The following LRTM2 variants were observed in gnomAD, a reference collection of about 807,000 sequenced individuals.
LRTM2 encodes leucine-rich repeat and transmembrane domain-containing protein 2.
Under a neutral mutation model 28.1 loss-of-function variants are expected in LRTM2, and 18 were observed. The ratio of observed to expected loss-of-function variants is 0.64; its 90% CI spans 0.44 to 0.95. The LOEUF is 0.95. Among genes scored for constraint, LRTM2 ranks in the 40% least tolerant of loss-of-function variants. The pLI, the probability that LRTM2 is intolerant of heterozygous loss-of-function variation, is 0.00. For synonymous variants in LRTM2, 250 were observed against 218.7 expected (o/e 1.14, Z -1.26); for missense variants, 436 against 497.2 (o/e 0.88, Z 1.17).
Position 1,833,389 on chromosome 12 carries a change from G to C in LRTM2, c.659-878G>C, listed in dbSNP as rs1192772260. ...CTAGGGGAGGTCTAGACAGATTATT[G>C]TCCTCAACCACCTTCTCTCTCACCC... On this transcript the variant is annotated intron_variant, in intron 4 of 4. Transcript: ENST00000299194. The surrounding 1 kb of genome is among the most constrained non-coding windows in gnomAD (Gnocchi z 4.2). Among the ~76,000 whole-genome samples the C allele has an allele frequency of 6.6e-6, 1 of 152,110 alleles. No homozygotes were observed.
intron 2 of LRTM2, chr12:1,827,824 A>C: frequency 3.0e-6 from 1 of 328,446 alleles, no homozygotes. Context: ...GGGTAGGCCC[A>C]TGGGTGCACC....
chr12:1,833,062 G>A lies in LRTM2; in HGVS notation c.659-1205G>A, dbSNP rs1036167153. Among the ~76,000 whole-genome samples the A allele has an allele frequency of 3.3e-5, 5 of 152,132 alleles. No homozygotes were observed. Among genetic ancestry groups the A allele is most frequent in the Admixed American group, 1.3e-4 (2 of 15,282 alleles). ...CTTCAGACCCTCCTCTCCTGTGGTC[G>A]CCGGGAACTGAATTCCCAGCACAAA... On this transcript the variant is annotated intron_variant, in intron 4 of 4. Coordinates refer to ENST00000299194, the MANE Select transcript of LRTM2 (RefSeq NM_001039029.3). This position sits in a 1 kb window ranked among gnomAD's most constrained non-coding sequence, Gnocchi z 4.2.
rs754181370 is a variant in LRTM2 at position 1,834,463 on chromosome 12, G to A, written c.855G>A (p.Pro285=). ...EPAKPKPGAE[P]EPEPSTACPQ... is the part of the protein sequence containing the mutation. Reference sequence around the variant, plus strand: ...CTAAGCCCAAGCCCGGGGCTGAGCCGGAGCCGGAGCCCAGCACAGCCTGCC... The same window carrying A: ...CTAAGCCCAAGCCCGGGGCTGAGCCAGAGCCGGAGCCCAGCACAGCCTGCC... Residue 285 remains proline, a synonymous_variant, in exon 5 of 5, where the codon CCG becomes CCA. Transcript: ENST00000299194. The surrounding 1 kb of genome is among the most constrained non-coding windows in gnomAD (Gnocchi z 7.6). 31 of 1,610,726 alleles carry A rather than the reference G, an allele frequency of 1.9e-5. No homozygotes were observed. Among genetic ancestry groups the A allele is most frequent in the Middle Eastern group, 1.6e-4 (1 of 6,080 alleles).
rs766783345 is a variant in LRTM2 at position 1,828,254 on chromosome 12, G to T, written c.67+39G>T. On this transcript the variant is annotated intron_variant, in intron 3 of 4. Coordinates refer to ENST00000299194, the MANE Select transcript of LRTM2 (RefSeq NM_001039029.3). The surrounding 1 kb of genome is among the most constrained non-coding windows in gnomAD (Gnocchi z 4.2). The stretch of plus-strand genomic sequence containing the variant: ...TGGCCTCGGAGGGGGGTGCGGGTTG[G>T]GTGGGGGTGCCGAGGTGACTGTAGG... The T allele has an allele frequency of 4.4e-5, 66 of 1,511,380 alleles. No homozygotes were observed. Among genetic ancestry groups the T allele is most frequent in the Non-Finnish European group, 5.5e-5 (62 of 1,123,860 alleles). 93.6% of individuals were successfully genotyped at this position (1,511,380 alleles called of 1,614,324 possible). A position where few individuals can be genotyped will look rare whatever the true frequency, so the allele number is the denominator to read the frequency against.
rs933305356 is a variant in LRTM2, at chr12:1,828,352, G to A, written c.67+137G>A. On this transcript the variant is annotated intron_variant, in intron 3 of 4. Coordinates refer to ENST00000299194, the MANE Select transcript of LRTM2 (RefSeq NM_001039029.3). This position sits in a 1 kb window ranked among gnomAD's most constrained non-coding sequence, Gnocchi z 4.2. ...CGCCAGATCTTCCTGGGGTACCCGAGGCTATGTTCTGGGAAGCCAGGGTCA... is the reference window on the plus strand; with the variant it reads ...CGCCAGATCTTCCTGGGGTACCCGAAGCTATGTTCTGGGAAGCCAGGGTCA... 1.4e-6 allele frequency: 1 copy of A among 732,438 alleles called. No individual in the cohort carries two copies. Among genetic ancestry groups the A allele is most frequent in the Non-Finnish European group, 2.1e-6 (1 of 478,754 alleles). The allele number at this position is 732,438 out of a possible 1,614,324, so 45.4% of individuals were successfully genotyped here.
chr12:1,826,238 G>C (rs1369212110), intron 1 of LRTM2, among the ~76,000 whole-genome samples: 3 of 152,294 alleles, frequency 2.0e-5, no homozygotes, highest in Non-Finnish European at 4.4e-5. Context: ...TTTCCATGGT[G>C]ATGGGCACTG....
Position 1,830,978 on chromosome 12 carries a change from C to T in LRTM2, c.111C>T (p.Pro37=), listed in dbSNP as rs1864598042. 2 of 1,613,598 alleles carry T rather than the reference C, an allele frequency of 1.2e-6. No individual in the cohort carries two copies. The highest frequency in any genetic ancestry group is 1.1e-5 in the South Asian group (1 of 90,992). Residue 37 remains proline, a synonymous_variant, in exon 4 of 5, where the codon CCC becomes CCT. Transcript: ENST00000299194. The part of the protein sequence containing the change: ...WIALYAVEAL[P]TCPFSCKCDS... ...CCCTGTATGCTGTGGAGGCCCTCCC[C>T]ACCTGCCCTTTCTCCTGCAAGTGTG...
chr12:1,826,912 C>T (rs970939068), intron 1 of LRTM2, among the ~76,000 whole-genome samples: 1 of 152,232 alleles, frequency 6.6e-6, no homozygotes, highest in Non-Finnish European at 1.5e-5. Context: ...CTCCATCCAC[C>T]TCTGGGCCTG....
rs1032396252 is a variant in LRTM2 at position 1,829,744 on chromosome 12, C to T, written c.68-1191C>T. Among the ~76,000 whole-genome samples, 18 of 146,308 alleles carry T rather than the reference C, an allele frequency of 1.2e-4. No individual in the cohort carries two copies. The highest frequency in any genetic ancestry group is 9.5e-4 in the Admixed American group (14 of 14,698). ...TCCCAGGTCCCATGTCAGGGTGGGC[C>T]GATGGGCTGTGAGCTGGGTCTGAAC... On this transcript the variant is annotated intron_variant, in intron 3 of 4. Coordinates refer to ENST00000299194, the MANE Select transcript of LRTM2 (RefSeq NM_001039029.3). The surrounding 1 kb of genome is among the most constrained non-coding windows in gnomAD (Gnocchi z 4.2).
At position 1,821,476 on chromosome 12, in the gene LRTM2, C is replaced by T. The variant is rs191978682; in HGVS notation, c.-259+662C>T. 9.9e-3 allele frequency among the ~76,000 whole-genome samples: 1,503 copies of T among 152,294 alleles called. 28 individuals are homozygous for T. The highest frequency in any genetic ancestry group is 0.034 in the African/African-American group (1,423 of 41,556). On this transcript the variant is annotated intron_variant, in intron 1 of 4. Transcript: ENST00000299194. Reference sequence around the variant, plus strand: ...GGGAGTGGGCAGGAGAGAGAAGTATCGCAGCCCTTCCCTGCTAGCCCAAGG... The same window carrying T: ...GGGAGTGGGCAGGAGAGAGAAGTATTGCAGCCCTTCCCTGCTAGCCCAAGG...
At position 1,834,518 on chromosome 12, in the gene LRTM2, G is replaced by C. The variant is rs774813692; in HGVS notation, c.910G>C (p.Val304Leu). The part of the protein sequence containing the change: ...PQKQRHRPAS[V>L]RRAMGTVIIA... ...GAAGCAGAGGCACCGGCCGGCGAGC[G>C]TGAGGCGAGCCATGGGCACGGTGAT... Residue 304 changes from valine (V) to leucine (L), a missense_variant, in exon 5 of 5, where the codon GTG becomes CTG. Coordinates refer to ENST00000299194, the MANE Select transcript of LRTM2 (RefSeq NM_001039029.3). The surrounding 1 kb of genome is among the most constrained non-coding windows in gnomAD (Gnocchi z 7.6). 2 of 1,605,976 alleles carry C rather than the reference G, an allele frequency of 1.2e-6. No individual in the cohort carries two copies. Among genetic ancestry groups the C allele is most frequent in the African/African-American group, 1.3e-5 (1 of 74,928 alleles).
chr12:1,822,460 G>A (rs970768096), intron 1 of LRTM2, among the ~76,000 whole-genome samples: 2 of 150,542 alleles, frequency 1.3e-5, no homozygotes, highest in Non-Finnish European at 3.0e-5. Flanking sequence ...ACCACCCTGA[G>A]CCCAGCCCCA....
Position 1,828,167 on chromosome 12 carries a change from A to G in LRTM2, c.19A>G (p.Ser7Gly). 6.5e-7 allele frequency: 1 copy of G among 1,544,380 alleles called. No individual in the cohort carries two copies. The highest frequency in any genetic ancestry group is 1.4e-5 in the African/African-American group (1 of 72,856). ...CCTCACCATGCTGGCGCCGGGCAGC[A>G]GCCCTGGGCAGAGGGGCAGGCTCGC... Reference protein sequence around the residue: MLAPGSSPGQRGRLALQ... With the variant: MLAPGSGPGQRGRLALQ... The change falls in exon 3 of 5, where the codon AGC (serine) becomes GGC (glycine). Residue 7 changes from serine (S) to glycine (G), a missense_variant. By Grantham distance (56) the Ser-to-Gly change is moderately conservative. Transcript: ENST00000299194. The surrounding 1 kb of genome is among the most constrained non-coding windows in gnomAD (Gnocchi z 4.2).
intron 2 of LRTM2, 193 bp from the exon 3 acceptor site, chr12:1,827,883 A>G (rs1794586935): frequency 7.7e-6 from 3 of 388,684 alleles, no homozygotes; most frequent in Admixed American, 9.0e-5. Context: ...GGAAAGCCGA[A>G]GCCTGCCCCG....
intron 1 of LRTM2, among the ~76,000 whole-genome samples, chr12:1,821,631 C>T (rs557559105): frequency 6.6e-6 from 1 of 152,294 alleles, no homozygotes; most frequent in African/African-American, 2.4e-5. Context: ...GGGGGGTACA[C>T]AGCGGGGCCA....
intron 4 of LRTM2, among the ~76,000 whole-genome samples, chr12:1,832,785 C>G (rs1864689722): frequency 6.6e-6 from 1 of 152,188 alleles, no homozygotes. Context: ...CTTACAGCAG[C>G]TAATTGAGAT....
chr12:1,825,275 C>G (rs750087266), intron 1 of LRTM2, among the ~76,000 whole-genome samples: 1 of 152,162 alleles, frequency 6.6e-6, no homozygotes, highest in Non-Finnish European at 1.5e-5. Context: ...AGGAGCCTAT[C>G]CAGGGGAGGC....
chr12:1,822,850 G>A (rs762786496), intron 1 of LRTM2, among the ~76,000 whole-genome samples: 11 of 152,154 alleles, frequency 7.2e-5, no homozygotes, highest in East Asian at 1.9e-4. Context: ...CCTCCCCTGC[G>A]TCCTGGCCAC....
At chr12:1,823,206 C>T (rs1400196246) in intron 1 of LRTM2, 1 of 152,538 alleles carries the variant, frequency 6.6e-6, no homozygotes, top group African/African-American at 2.4e-5. Flanking sequence ...GGCTGTGTGT[C>T]TTGGATGCTT....
Sources: gnomAD v4.1 joint callset for allele counts (sites outside exome capture counted in the v4.1 genomes callset) on GRCh38, gnomAD v4.1.1 for gene constraint, Gnocchi (gnomAD v3.1) non-coding constraint, MANE v1.5 for transcripts, NCBI Gene and HGNC (gene_info 2026-07-23, HGNC 2026-07-21) for gene names.